Variants in USHBP1 observed in about 807,000 individuals in gnomAD.
USHBP1 encodes harmonin-binding protein USHBP1.
USHBP1 carries 67 observed loss-of-function variants against 76.2 expected under a neutral mutation model. That is an observed-to-expected ratio of 0.88 (90% CI 0.72 to 1.08). USHBP1 has a LOEUF of 1.08. Among genes scored for constraint, USHBP1 ranks in the 50% least tolerant of loss-of-function variants. USHBP1 has a pLI of 0.00. For missense variants in USHBP1, 931 were observed against 915.0 expected, an observed-to-expected ratio of 1.02 and a Z score of -0.23; for synonymous variants, 322 against 362.2, an observed-to-expected ratio of 0.89 and a Z score of 1.26.
intron 8 of USHBP1, among the ~76,000 whole-genome samples, chr19:17,256,935 C>T (rs2073627120): frequency 6.6e-6 from 1 of 151,938 alleles, no homozygotes; most frequent in Admixed American, 6.6e-5. Flanking sequence ...ATGCCTGTAA[C>T]CCCAGCACTT....
chr19:17,263,287 C>A, intron 3 of USHBP1: 1 of 249,540 alleles, frequency 4.0e-6, no homozygotes, highest in Non-Finnish European at 7.7e-6. Context: ...ATCCGCCCAA[C>A]TCGGCCTCCC....
chr19:17,263,824 CCACTG>C (rs758913844), intron 3 of USHBP1, 173 bp downstream of exon 3: 154 of 795,952 alleles, frequency 1.9e-4, no homozygotes, highest in Non-Finnish European at 2.6e-4. Flanking sequence ...CGAGATTGTG[CCACTG>C]CACTGCACTA....
intron 10 of USHBP1, among the ~76,000 whole-genome samples, chr19:17,254,379 G>C (rs938011928): frequency 1.1e-4 from 16 of 151,558 alleles, no homozygotes; most frequent in African/African-American, 3.9e-4. Flanking sequence ...AAATAAGCCG[G>C]GTGCAGTGGC....
At position 17,255,398 on chromosome 19, in the gene USHBP1, TC is replaced by T; in HGVS notation, c.1678del (p.Glu560LysfsTer31). The T allele has an allele frequency of 6.2e-7, 1 of 1,613,854 alleles. No individual in the cohort carries two copies. Among genetic ancestry groups the T allele is most frequent in the Non-Finnish European group, 8.5e-7 (1 of 1,179,872 alleles). On this transcript the variant is annotated frameshift_variant, in exon 10 of 13. Transcript: ENST00000252597. LOFTEE classifies it high-confidence loss of function. ...SSGGGSSGDE[E>X]EWYQGLPAVP... ...AGGGCAGCTCACCTGATACCACTCT[TC>T]CTCGTCCCCGCTGCTGCCACCTCCG...
intron 10 of USHBP1, among the ~76,000 whole-genome samples, chr19:17,252,415 C>T (rs762722426): frequency 6.6e-6 from 1 of 151,758 alleles, no homozygotes; most frequent in Non-Finnish European, 1.5e-5. Flanking sequence ...AGGCTGGTCT[C>T]GAACCTCATC....
At chr19:17,256,433 C>G in intron 9 of USHBP1, 38 bp downstream of exon 9, 1 of 1,608,520 alleles carries the variant, frequency 6.2e-7, no homozygotes, top group Non-Finnish European at 8.5e-7. Context: ...TTTGTCCCAC[C>G]AAGAAAGACT....
chr19:17,264,684 TG>T lies in USHBP1; in HGVS notation c.-63del, dbSNP rs1350029381. 8.5e-6 allele frequency: 2 copies of T among 235,854 alleles called. No individual in the cohort carries two copies. Among genetic ancestry groups the T allele is most frequent in the Non-Finnish European group, 1.7e-5 (2 of 119,530 alleles). The allele number at this position is 235,854 out of a possible 1,614,324, so 14.6% of individuals were successfully genotyped here. On this transcript the variant is annotated 5_prime_UTR_variant, in exon 1 of 13. Transcript: ENST00000252597. The stretch of plus-strand genomic sequence containing the variant: ...AGCTCTCTCTACCTCTCTGATCCTC[TG>T]GGGGTAACTTGATCAGAGGCCTGAG...
Position 17,259,628 on chromosome 19 carries a change from G to A in USHBP1, c.873C>T (p.His291=). The A allele has an allele frequency of 6.2e-7, 1 of 1,613,426 alleles. No individual in the cohort carries two copies. The highest frequency in any genetic ancestry group is 1.1e-5 in the South Asian group (1 of 90,996). Residue 291 remains histidine (H), a synonymous_variant, in exon 6 of 13, where the codon CAC becomes CAT. Transcript: ENST00000252597. The part of the protein sequence containing the change: ...LPNQPLSPEM[H]IMEAQMEQLR... ...GTTGCTCCATCTGGGCTTCCATGAT[G>A]TGCATCTCAGGACTGAGGGGCTGGT...
intron 4 of USHBP1, among the ~76,000 whole-genome samples, chr19:17,261,993 T>G (rs2073694936): frequency 7.2e-6 from 1 of 138,340 alleles, no homozygotes; most frequent in Non-Finnish European, 1.5e-5. Context: ...CCAGCCAACC[T>G]GGCTGATTTT....
Position 17,258,221 on chromosome 19 carries a change from G to T in USHBP1, c.1211C>A (p.Pro404Gln). Residue 404 changes from proline (P) to glutamine (Q), a missense_variant, in exon 8 of 13, where the codon CCA becomes CAA. Transcript: ENST00000252597. Reference protein sequence around the residue: ...AAMDAGAQQNPQPSPEGSSVD... With the variant: ...AAMDAGAQQNQQPSPEGSSVD... ...GGTTCCAGGGGGGTACCTTGGCTGT[G>T]GATTCTGCTGTGCTCCTGCATCCAT... 6.2e-7 allele frequency: 1 copy of T among 1,613,786 alleles called. No homozygotes were observed. The highest frequency in any genetic ancestry group is 8.5e-7 in the Non-Finnish European group (1 of 1,180,042).
rs768501914 is a variant in USHBP1 at position 17,262,976 on chromosome 19, A to T, written c.218T>A (p.Met73Lys). 1.3e-6 allele frequency: 2 copies of T among 1,520,098 alleles called. No homozygotes were observed. Among genetic ancestry groups the T allele is most frequent in the South Asian group, 2.6e-5 (2 of 75,716 alleles). The allele number at this position is 1,520,098 out of a possible 1,614,324, so 94.2% of individuals were successfully genotyped here. A position where few individuals can be genotyped will look rare whatever the true frequency, so the allele number is the denominator to read the frequency against. Residue 73 changes from methionine to lysine, a missense_variant, in exon 4 of 13, where the codon ATG becomes AAG. Met to Lys is a moderately conservative substitution (Grantham distance 95, BLOSUM62 -1). Transcript: ENST00000252597. ...CAGTTCCCTGCCAGAGCCCCCATCCATCTTCTTGTCAGTCCTGTGGACACC... is the reference window on the plus strand; with the variant it reads ...CAGTTCCCTGCCAGAGCCCCCATCCTTCTTCTTGTCAGTCCTGTGGACACC... ...QGLGSRTDKK[M>K]DGGSGRELAS...
chr19:17,252,095 G>T lies in USHBP1; in HGVS notation c.1693-78C>A, dbSNP rs973534709. On this transcript the variant is annotated intron_variant, in intron 10 of 12. Coordinates refer to ENST00000252597, the MANE Select transcript of USHBP1 (RefSeq NM_031941.4). ...TTGGCCCACACTGGACATTGGAGCT[G>T]CCCAGACAGTGGCAGCTGCTGTGCT... 1.6e-5 allele frequency: 22 copies of T among 1,361,076 alleles called. No homozygotes were observed. In the Admixed American group the frequency reaches 2.4e-4, roughly 15 times the overall value. 84.3% of individuals were successfully genotyped at this position (1,361,076 alleles called of 1,614,324 possible).
chr19:17,255,579 GCCGAAGCATCAGGT>G lies in USHBP1; in HGVS notation c.1484_1497del (p.Asp495AlafsTer7). The G allele has an allele frequency of 6.2e-7, 1 of 1,612,554 alleles. No individual in the cohort carries two copies. Among genetic ancestry groups the G allele is most frequent in the Non-Finnish European group, 8.5e-7 (1 of 1,179,084 alleles). ...CGCTTCTCACGCCGCACCAGCTGCA[GCCGAAGCATCAGGT>G]CCGCCAGGGCCTCCTGTGGGACCAA... On this transcript the variant is annotated frameshift_variant, in exon 10 of 13. Transcript: ENST00000252597. LOFTEE classifies it high-confidence loss of function.
In USHBP1 at chr19:17,256,270, G is replaced by A. The variant is rs373191147; in HGVS notation, c.1470+201C>T. On this transcript the variant is annotated intron_variant, in intron 9 of 12. Coordinates refer to ENST00000252597, the MANE Select transcript of USHBP1 (RefSeq NM_031941.4). ...TCCCATAGGAAGGGCATTTTGGAGA[G>A]CCAGATTTGTAGTCTAATGAGAAAC... Among the ~76,000 whole-genome samples the A allele has an allele frequency of 4.6e-5, 7 of 152,204 alleles. No individual in the cohort carries two copies. In the South Asian group the frequency reaches 1.5e-3, roughly 32 times the overall value.
intron 12 of USHBP1, 35 bp downstream of exon 12, chr19:17,251,547 G>A: frequency 1.2e-6 from 2 of 1,611,678 alleles, no homozygotes; most frequent in Non-Finnish European, 8.5e-7. Context: ...GGGGGATGGT[G>A]CCAGGGGGAT....
In USHBP1 at chr19:17,255,482, C is replaced by A; in HGVS notation, c.1595G>T (p.Arg532Leu). 6.2e-7 allele frequency: 1 copy of A among 1,613,994 alleles called. No homozygotes were observed. The highest frequency in any genetic ancestry group is 8.5e-7 in the Non-Finnish European group (1 of 1,179,902). The change falls in exon 10 of 13, where the codon CGG (arginine) becomes CTG (leucine). Residue 532 changes from arginine to leucine, a missense_variant. Arg to Leu is a moderately radical substitution (Grantham distance 102). Coordinates refer to ENST00000252597, the MANE Select transcript of USHBP1 (RefSeq NM_031941.4). ...AGCCTGGAGCTCTGCCCGTTCCCACCGCAGCTGCTCCAGCAGGAGCACGTG... is the reference window on the plus strand; with the variant it reads ...AGCCTGGAGCTCTGCCCGTTCCCACAGCAGCTGCTCCAGCAGGAGCACGTG... ...PAHVLLLEQL[R>L]WERAELQAGG...
rs145389914 is a variant in USHBP1 at position 17,263,282 on chromosome 19, C to T, written c.204-292G>A. 5.1e-3 allele frequency: 1,324 copies of T among 257,446 alleles called. 5 individuals carry two copies. Among genetic ancestry groups the T allele is most frequent in the Admixed American group, 8.6e-3 (178 of 20,790 alleles). The allele number at this position is 257,446 out of a possible 1,614,324, so 15.9% of individuals were successfully genotyped here. A position where few individuals can be genotyped will look rare whatever the true frequency, so the allele number is the denominator to read the frequency against. ...CAAACTCCTGACCTCAGGTGATCCG[C>T]CCAACTCGGCCTCCCAAAGTGCTGG... On this transcript the variant is annotated intron_variant, in intron 3 of 12. Coordinates refer to ENST00000252597, the MANE Select transcript of USHBP1 (RefSeq NM_031941.4).
Position 17,262,549 on chromosome 19 carries a change from C to T in USHBP1, c.642+3G>A, listed in dbSNP as rs765181660. The T allele has an allele frequency of 1.9e-6, 3 of 1,599,284 alleles. No individual in the cohort carries two copies. In the South Asian group the frequency reaches 3.3e-5, roughly 18 times the overall value. The stretch of plus-strand genomic sequence containing the variant: ...ACATGGGACTCAGGATGGCCCCACT[C>T]ACCTCTTTCTGCAGCGTCTCCTTCT... On this transcript the variant is annotated splice_donor_region_variant and intron_variant, in intron 4 of 12. Transcript: ENST00000252597.
intron 7 of USHBP1, 53 bp from the exon 8 acceptor site, chr19:17,258,438 A>C: frequency 6.3e-7 from 1 of 1,577,364 alleles, no homozygotes; most frequent in East Asian, 2.3e-5. Context: ...GCTGGGTGCA[A>C]TGGCCCTCAC....
Sources: gnomAD v4.1 joint callset for allele counts (sites outside exome capture counted in the v4.1 genomes callset) on GRCh38, gnomAD v4.1.1 for gene constraint, MANE v1.5 for transcripts, NCBI Gene and HGNC (gene_info 2026-07-23, HGNC 2026-07-21) for gene names.